The following KLF7 variants were observed in gnomAD, a reference collection of about 807,000 sequenced individuals.
The protein encoded by KLF7 is Krueppel-like factor 7.
KLF7 carries 2 observed loss-of-function variants against 27.3 expected under a neutral mutation model. That is an observed-to-expected ratio of 0.07 (90% CI 0.03 to 0.23). The LOEUF (loss-of-function observed/expected upper bound fraction) is 0.23, where lower values mean the gene tolerates loss of function less well. Among genes scored for constraint, KLF7 ranks in the 10% least tolerant of loss-of-function variants. The pLI, the probability that KLF7 is intolerant of heterozygous loss-of-function variation, is 1.00. For missense variants in KLF7, 221 were observed against 394.1 expected (o/e 0.56, Z 3.72); for synonymous variants, 165 against 162.4 (o/e 1.02, Z -0.12).
rs984744106 is a variant in KLF7 at position 207,079,068 on chromosome 2, T to C, written c.*2145A>G. 6.6e-6 allele frequency: 1 copy of C among 151,244 alleles called. No homozygotes were observed. Among genetic ancestry groups the C allele is most frequent in the African/African-American group, 2.4e-5 (1 of 41,154 alleles). The allele number at this position is 151,244 out of a possible 1,614,324, so 9.4% of individuals were successfully genotyped here. ...TTTTTTCGTTTTGTATTATTTTGTTTTTTTTTTTGTTTTTGTTTTTGTTTT... is the reference window on the plus strand; with the variant it reads ...TTTTTTCGTTTTGTATTATTTTGTTCTTTTTTTTGTTTTTGTTTTTGTTTT... On this transcript the variant is annotated 3_prime_UTR_variant, in exon 4 of 4. Coordinates refer to ENST00000309446, the MANE Select transcript of KLF7 (RefSeq NM_003709.4).
intron 2 of KLF7, among the ~76,000 whole-genome samples, chr2:207,119,551 T>C (rs1285616252): frequency 6.6e-6 from 1 of 152,120 alleles, no homozygotes; most frequent in Non-Finnish European, 1.5e-5. Flanking sequence ...ACTATGATCA[T>C]AATGGTAGAA....
upstream of KLF7, among the ~76,000 whole-genome samples, chr2:207,168,848 C>G (rs879511173): frequency 6.6e-6 from 1 of 152,192 alleles, no homozygotes; most frequent in Non-Finnish European, 1.5e-5. Flanking sequence ...AAAACACATG[C>G]AAGGTATCCA....
chr2:207,153,701 T>C (rs1256914409), intron 1 of KLF7, among the ~76,000 whole-genome samples: 2 of 152,080 alleles, frequency 1.3e-5, no homozygotes, highest in Non-Finnish European at 2.9e-5. Context: ...GGAAAATCTT[T>C]GCAGGAAAAT....
rs959696132 is a variant in KLF7, at chr2:207,075,362, T to A, written c.*5851A>T. On this transcript the variant is annotated 3_prime_UTR_variant, in exon 4 of 4. Coordinates refer to ENST00000309446, the MANE Select transcript of KLF7 (RefSeq NM_003709.4). ...TAATATATTTATATATATATATATA[T>A]AAAAAGCTTAAAAAAAATAAAATGT... The A allele has an allele frequency of 1.1e-4, 16 of 148,012 alleles. No individual in the cohort carries two copies. Among genetic ancestry groups the A allele is most frequent in the Non-Finnish European group, 1.9e-4 (13 of 67,158 alleles). The allele number at this position is 148,012 out of a possible 1,614,324, so 9.2% of individuals were successfully genotyped here.
chr2:207,134,650 T>G (rs900067346), intron 1 of KLF7, among the ~76,000 whole-genome samples: 1 of 152,182 alleles, frequency 6.6e-6, no homozygotes, highest in African/African-American at 2.4e-5. Flanking sequence ...GGTGGCTGTG[T>G]GGGTGTGCCA....
intron 3 of KLF7, among the ~76,000 whole-genome samples, chr2:207,082,321 G>A (rs2076291038): frequency 6.6e-6 from 1 of 152,184 alleles, no homozygotes; most frequent in Admixed American, 6.5e-5. Context: ...GGATCCTGGA[G>A]TGACTGGTGT....
At chr2:207,089,436 A>C (rs1197434873) in intron 2 of KLF7, among the ~76,000 whole-genome samples, 1 of 152,248 alleles carries the variant, frequency 6.6e-6, no homozygotes, top group Non-Finnish European at 1.5e-5. Flanking sequence ...GAGCAAGTAC[A>C]TGACTTTGCC....
chr2:207,135,527 C>G (rs934717041), intron 1 of KLF7, among the ~76,000 whole-genome samples: 36 of 152,144 alleles, frequency 2.4e-4, no homozygotes, highest in Non-Finnish European at 1.8e-4. Flanking sequence ...TTCAAAGATA[C>G]CAGACCTGTG....
At chr2:207,092,013 G>A (rs539306738) in intron 2 of KLF7, among the ~76,000 whole-genome samples, 3 of 152,292 alleles carry the variant, frequency 2.0e-5, no homozygotes, top group South Asian at 2.1e-4. Context: ...AAAACTGCAC[G>A]TCAGTGGTAC....
Position 207,124,149 on chromosome 2 carries a change from C to T in KLF7, c.358G>A (p.Asp120Asn), listed in dbSNP as rs917165849. 5.0e-6 allele frequency: 8 copies of T among 1,614,052 alleles called. No homozygotes were observed. The highest frequency in any genetic ancestry group is 1.6e-4 in the Middle Eastern group (1 of 6,084). The change falls in exon 2 of 4, where the codon GAC becomes AAC. Residue 120 changes from aspartate to asparagine, a missense_variant. Asp to Asn is a conservative substitution (Grantham distance 23). Around this residue, in one of 3 missense-constraint regions of KLF7, gnomAD observed 180 missense variants for 227.9 expected, o/e 0.79. Transcript: ENST00000309446. ...LSLQPASSSL[D>N]SYTAVNQAQL... is the part of the protein sequence containing the mutation. Reference sequence around the variant, plus strand: ...GCCTGGTTGACGGCTGTGTAGCTGTCTAGAGAAGAGCTGGCCGGCTGGAGG... The same window carrying T: ...GCCTGGTTGACGGCTGTGTAGCTGTTTAGAGAAGAGCTGGCCGGCTGGAGG...
At chr2:207,097,896 G>A (rs1178503246) in intron 2 of KLF7, among the ~76,000 whole-genome samples, 2 of 151,784 alleles carry the variant, frequency 1.3e-5, no homozygotes, top group African/African-American at 4.8e-5. Flanking sequence ...GTTTCTAGTG[G>A]GCTGAGTGAG....
At chr2:207,112,088 T>C in intron 2 of KLF7, among the ~76,000 whole-genome samples, 1 of 151,348 alleles carries the variant, frequency 6.6e-6, no homozygotes, top group Non-Finnish European at 1.5e-5. Context: ...AAAGTCAGAA[T>C]ATAAAACTTG....
At chr2:207,109,708 G>A (rs1483677130) in intron 2 of KLF7, among the ~76,000 whole-genome samples, 2 of 152,102 alleles carry the variant, frequency 1.3e-5, no homozygotes, top group African/African-American at 4.8e-5. Flanking sequence ...GAGTAGGAAC[G>A]CCTCAGCTTA....
intron 2 of KLF7, among the ~76,000 whole-genome samples, chr2:207,099,573 T>TATATATATATATATATATATA (rs2076714109): frequency 1.7e-4 from 22 of 130,620 alleles, no homozygotes; most frequent in Non-Finnish European, 2.5e-4. Flanking sequence ...TATATATATA[T>TATATATATATATATATATATA]GAAAAGAGAT....
chr2:207,165,936 C>G lies in KLF7; in HGVS notation c.-368G>C. 9.3e-7 allele frequency: 1 copy of G among 1,076,560 alleles called. No individual in the cohort carries two copies. Among genetic ancestry groups the G allele is most frequent in the Middle Eastern group, 4.4e-4 (1 of 2,286 alleles). 66.7% of individuals were successfully genotyped at this position (1,076,560 alleles called of 1,614,324 possible). On this transcript the variant is annotated 5_prime_UTR_variant, in exon 1 of 4. Transcript: ENST00000309446. ...ACTGACACGAAGCTGCCATCTATTT[C>G]TGCAGCGCTGTTCGCTCCTAATGCA...
chr2:207,093,720 T>G (rs758495682), intron 2 of KLF7, among the ~76,000 whole-genome samples: 2 of 152,208 alleles, frequency 1.3e-5, no homozygotes, highest in African/African-American at 4.8e-5. Context: ...TCCGATACAT[T>G]AGGTGAATTT....
At chr2:207,156,489 C>T (rs550771620) in intron 1 of KLF7, among the ~76,000 whole-genome samples, 2 of 152,208 alleles carry the variant, frequency 1.3e-5, no homozygotes, top group African/African-American at 4.8e-5. Flanking sequence ...TACATGCATG[C>T]ATCCAGCCCT....
intron 3 of KLF7, 69 bp downstream of exon 3, chr2:207,088,389 G>A: frequency 3.2e-6 from 5 of 1,549,200 alleles, no homozygotes; most frequent in Non-Finnish European, 4.4e-6. Context: ...AAGCACACGG[G>A]TGCTGCTCAC....
chr2:207,140,801 T>C (rs942085057), intron 1 of KLF7, among the ~76,000 whole-genome samples: 1 of 152,170 alleles, frequency 6.6e-6, no homozygotes, highest in South Asian at 2.1e-4. Flanking sequence ...GATTCAGAAA[T>C]GTATGCTGGT....
Sources: allele counts gnomAD v4.1 joint callset (sites outside exome capture counted in the v4.1 genomes callset), GRCh38; gene constraint gnomAD v4.1.1; regional missense constraint gnomAD v4.1.1; transcripts MANE v1.5; gene names NCBI Gene and HGNC (gene_info 2026-07-23, HGNC 2026-07-21).